Variants in ADAMTS6 observed in about 807,000 individuals in gnomAD.
The protein encoded by ADAMTS6 is A disintegrin and metalloproteinase with thrombospondin motifs 6.
A neutral mutation model predicts 144.3 loss-of-function variants in ADAMTS6; 23 were observed. The observed-to-expected ratio is 0.16, with a 90% CI of 0.11 to 0.23. The LOEUF (loss-of-function observed/expected upper bound fraction) is 0.23. Ranked by LOEUF, ADAMTS6 falls within the 10% of genes least tolerant of loss-of-function variation. ADAMTS6 has a pLI of 1.00. For synonymous variants in ADAMTS6, 444 were observed against 457.5 expected (o/e 0.97, Z 0.38); for missense variants, 999 against 1,379.6 (o/e 0.72, Z 4.37).
At chr5:65,242,818 A>T (rs1228818683) in intron 14 of ADAMTS6, among the ~76,000 whole-genome samples, 1 of 152,142 alleles carries the variant, frequency 6.6e-6, no homozygotes, top group East Asian at 1.9e-4. Flanking sequence ...CATCACAGAA[A>T]ATAAAATACA....
chr5:65,355,728 C>T (rs1428489379), intron 7 of ADAMTS6, among the ~76,000 whole-genome samples: 3 of 151,724 alleles, frequency 2.0e-5, no homozygotes, highest in Admixed American at 6.6e-5. Context: ...GAAGTCTAAT[C>T]GAGAGCTAAA....
chr5:65,152,716 G>A (rs1752201275), intron 24 of ADAMTS6, among the ~76,000 whole-genome samples: 1 of 152,174 alleles, frequency 6.6e-6, no homozygotes, highest in African/African-American at 2.4e-5. Flanking sequence ...TGCAGAAGGT[G>A]GGATGAGGGT....
rs1368228098 is a variant in ADAMTS6, at chr5:65,170,601, TC to T, written c.3244+15del. The T allele has an allele frequency of 2.5e-6, 4 of 1,613,188 alleles. No individual in the cohort carries two copies. Among genetic ancestry groups the T allele is most frequent in the Non-Finnish European group, 3.4e-6 (4 of 1,179,606 alleles). ...GTCATTAGAAACCACAGGCCCCTCCTCCATGGAAAACTCACCTTCAGTATTA... is the reference window on the plus strand; with the variant it reads ...GTCATTAGAAACCACAGGCCCCTCCTCATGGAAAACTCACCTTCAGTATTA... On this transcript the variant is annotated intron_variant, in intron 24 of 24. Coordinates refer to ENST00000381055, the MANE Select transcript of ADAMTS6 (RefSeq NM_197941.4).
intron 7 of ADAMTS6, among the ~76,000 whole-genome samples, chr5:65,390,642 A>G (rs560950232): frequency 2.0e-5 from 3 of 152,360 alleles, no homozygotes; most frequent in East Asian, 3.9e-4. Context: ...CATACTGTAC[A>G]TGTGAATAGT....
chr5:65,248,293 T>C (rs1456487503), intron 14 of ADAMTS6, among the ~76,000 whole-genome samples: 2 of 152,176 alleles, frequency 1.3e-5, no homozygotes, highest in African/African-American at 4.8e-5. Context: ...GTTTCTGATT[T>C]TTTTTCACTA....
Position 65,225,011 on chromosome 5 carries a change from T to C in ADAMTS6, c.2104A>G (p.Arg702Gly), listed in dbSNP as rs1429774120. 1.2e-6 allele frequency: 2 copies of C among 1,614,050 alleles called. No individual in the cohort carries two copies. Among genetic ancestry groups the C allele is most frequent in the Admixed American group, 3.3e-5 (2 of 59,990 alleles). ...GCDNILGSDA[R>G]EDRCRVCGGD... is the part of the protein sequence containing the mutation. ...CCACAGACTCGACATCTATCTTCCC[T>C]AGCATCAGATCCCAAAATATTATCA... is the stretch of plus-strand genomic sequence containing the variant. Residue 702 changes from arginine (R) to glycine (G), a missense_variant, in exon 17 of 25, where the codon AGG (arginine) becomes GGG (glycine). Around this residue, in one of 3 missense-constraint regions of ADAMTS6, gnomAD observed 619 missense variants for 837.0 expected, o/e 0.74. Coordinates refer to ENST00000381055, the MANE Select transcript of ADAMTS6 (RefSeq NM_197941.4).
intron 18 of ADAMTS6, among the ~76,000 whole-genome samples, chr5:65,220,206 C>G (rs1467277200): frequency 2.0e-5 from 3 of 151,860 alleles, no homozygotes; most frequent in African/African-American, 7.3e-5. Flanking sequence ...TTGTGAAACA[C>G]CAAAATATTT....
At chr5:65,256,778 A>G (rs1051214798) in intron 14 of ADAMTS6, among the ~76,000 whole-genome samples, 1 of 152,066 alleles carries the variant, frequency 6.6e-6, no homozygotes, top group African/African-American at 2.4e-5. Flanking sequence ...TAATGGAATG[A>G]GTTGGGAATT....
At chr5:65,359,611 C>T (rs1307911915) in intron 7 of ADAMTS6, among the ~76,000 whole-genome samples, 4 of 152,034 alleles carry the variant, frequency 2.6e-5, no homozygotes, top group Non-Finnish European at 5.9e-5. Flanking sequence ...ATGAAATCAG[C>T]CTAATTGTCT....
intron 4 of ADAMTS6, among the ~76,000 whole-genome samples, chr5:65,459,850 C>A (rs868450312): frequency 6.6e-6 from 1 of 152,086 alleles, no homozygotes; most frequent in African/African-American, 2.4e-5. Context: ...TCAGGCTAAA[C>A]GAACACCACA....
intron 12 of ADAMTS6, among the ~76,000 whole-genome samples, chr5:65,270,733 T>C (rs546569490): frequency 3.7e-4 from 56 of 152,344 alleles, no homozygotes; most frequent in East Asian, 1.7e-3. Flanking sequence ...ATCCGCTATA[T>C]TGGCCTTATG....
intron 7 of ADAMTS6, among the ~76,000 whole-genome samples, chr5:65,429,365 CCT>C (rs1175808718): frequency 6.6e-6 from 1 of 151,998 alleles, no homozygotes; most frequent in African/African-American, 2.4e-5. Flanking sequence ...TACAGTTTTC[CCT>C]GTTTCTTTGG....
chr5:65,220,936 A>G (rs530502298), intron 18 of ADAMTS6, among the ~76,000 whole-genome samples: 1 of 152,350 alleles, frequency 6.6e-6, no homozygotes, highest in South Asian at 2.1e-4. Context: ...TCCTACAGAT[A>G]TTAAAAAGAT....
In ADAMTS6 at chr5:65,321,097, C is replaced by T. The variant is rs1056583330; in HGVS notation, c.1223+8281G>A. On this transcript the variant is annotated intron_variant, in intron 9 of 24. Coordinates refer to ENST00000381055, the MANE Select transcript of ADAMTS6 (RefSeq NM_197941.4). ...GGGAATGCTGGGTTGAATGGTATTT[C>T]TGTCTTTAGATCTTTGAGGAATCAC... Among the ~76,000 whole-genome samples, 4 of 152,188 alleles carry T rather than the reference C, an allele frequency of 2.6e-5. 1 individual carries two copies. Among genetic ancestry groups the T allele is most frequent in the Admixed American group, 2.6e-4 (4 of 15,278 alleles).
chr5:65,209,593 G>T (rs1231190334), intron 20 of ADAMTS6, among the ~76,000 whole-genome samples: 1 of 152,154 alleles, frequency 6.6e-6, no homozygotes, highest in Non-Finnish European at 1.5e-5. Context: ...AACAGAAAAA[G>T]TCTCAAGCTT....
chr5:65,219,141 A>T (rs565650673), intron 18 of ADAMTS6, among the ~76,000 whole-genome samples: 15 of 152,344 alleles, frequency 9.8e-5, no homozygotes, highest in African/African-American at 3.4e-4. Flanking sequence ...AACGATATTG[A>T]TAATTACATT....
intron 9 of ADAMTS6, among the ~76,000 whole-genome samples, chr5:65,303,041 A>C (rs1000367981): frequency 3.9e-4 from 59 of 152,268 alleles, no homozygotes; most frequent in African/African-American, 1.3e-3. Flanking sequence ...TGCCAAGAAA[A>C]GAGGCAATTG....
intron 7 of ADAMTS6, among the ~76,000 whole-genome samples, chr5:65,367,542 G>A (rs1750416667): frequency 6.6e-6 from 1 of 152,070 alleles, no homozygotes; most frequent in African/African-American, 2.4e-5. Context: ...AGATTACCTT[G>A]CCCAGGATCA....
At chr5:65,427,174 T>C (rs895380679) in intron 7 of ADAMTS6, among the ~76,000 whole-genome samples, 2 of 152,284 alleles carry the variant, frequency 1.3e-5, no homozygotes, top group Middle Eastern at 3.4e-3. Flanking sequence ...TAGCAACTTG[T>C]TACGGTTATA....
Sources: allele counts gnomAD v4.1 joint callset (sites outside exome capture counted in the v4.1 genomes callset), GRCh38; gene constraint gnomAD v4.1.1; regional missense constraint gnomAD v4.1.1; transcripts MANE v1.5; gene names NCBI Gene and HGNC (gene_info 2026-07-23, HGNC 2026-07-21).